ADAMTSL1: variants seen among roughly 807,000 people sequenced by gnomAD.
ADAMTSL1 encodes ADAMTS like 1.
Under a neutral mutation model 201.8 loss-of-function variants are expected in ADAMTSL1, and 126 were observed. That is an observed-to-expected ratio of 0.62 (90% CI 0.54 to 0.72). The LOEUF (loss-of-function observed/expected upper bound fraction) is 0.72, where lower values mean the gene tolerates loss of function less well. Ranked by LOEUF, ADAMTSL1 falls within the 30% of genes least tolerant of loss-of-function variation. ADAMTSL1 has a pLI of 0.00. For synonymous variants in ADAMTSL1, 1,121 were observed against 903.4 expected (o/e 1.24, Z -4.32); for missense variants, 2,679 against 2,277.8 (o/e 1.18, Z -3.59).
At chr9:18,759,906 A>T (rs1230939173) in intron 16 of ADAMTSL1, among the ~76,000 whole-genome samples, 1 of 152,178 alleles carries the variant, frequency 6.6e-6, no homozygotes, top group Non-Finnish European at 1.5e-5. Context: ...ATGTTTAGTA[A>T]GTGAGATTCC....
intron 23 of ADAMTSL1, among the ~76,000 whole-genome samples, chr9:18,845,820 T>G (rs1214766708): frequency 6.6e-6 from 1 of 152,226 alleles, no homozygotes; most frequent in Non-Finnish European, 1.5e-5. Context: ...CACGCTGGTA[T>G]GAAAACTGTG....
intron 2 of ADAMTSL1, among the ~76,000 whole-genome samples, chr9:18,416,299 G>T (rs7875066): frequency 0.048 from 7,339 of 151,974 alleles, 569 homozygotes; most frequent in African/African-American, 0.16. Context: ...AAGTTGAAGA[G>T]ATATACTATA....
At chr9:18,724,083 T>G (rs1032421581) in intron 15 of ADAMTSL1, among the ~76,000 whole-genome samples, 1 of 152,340 alleles carries the variant, frequency 6.6e-6, no homozygotes, top group African/African-American at 2.4e-5. Flanking sequence ...CTTTGGGGTC[T>G]TGGTCTGTGC....
intron 2 of ADAMTSL1, among the ~76,000 whole-genome samples, chr9:18,344,739 G>T (rs529108425): frequency 1.3e-5 from 2 of 152,214 alleles, no homozygotes; most frequent in Admixed American, 6.5e-5. Context: ...CTACAGGGCT[G>T]GGAAAATGAA....
At chr9:18,860,965 G>A (rs1308804941) in intron 23 of ADAMTSL1, among the ~76,000 whole-genome samples, 3 of 152,156 alleles carry the variant, frequency 2.0e-5, no homozygotes, top group African/African-American at 7.2e-5. Flanking sequence ...AAGCTCTGTG[G>A]AAACTTTAGT....
intron 5 of ADAMTSL1, among the ~76,000 whole-genome samples, chr9:18,628,230 AG>A (rs1435670279): frequency 2.2e-4 from 34 of 152,298 alleles, no homozygotes; most frequent in Admixed American, 5.2e-4. Context: ...TTTCACCTTT[AG>A]ATCAGTGACC....
intron 1 of ADAMTSL1, among the ~76,000 whole-genome samples, chr9:18,004,533 T>G (rs1586882585): frequency 6.6e-6 from 1 of 151,972 alleles, no homozygotes; most frequent in Admixed American, 6.6e-5. Context: ...CAGAGGTAAA[T>G]TGCATGTGTG....
intron 4 of ADAMTSL1, among the ~76,000 whole-genome samples, chr9:18,614,324 T>A (rs188005863): frequency 6.6e-6 from 1 of 152,290 alleles, no homozygotes; most frequent in East Asian, 1.9e-4. Context: ...GAACATGGTA[T>A]CTTATAGACT....
Position 18,749,193 on chromosome 9 carries a change from C to G in ADAMTSL1, c.2007-4105C>G, listed in dbSNP as rs376126404. Among the ~76,000 whole-genome samples the G allele has an allele frequency of 2.2e-3, 334 of 152,176 alleles. 1 individual carries two copies. The highest frequency in any genetic ancestry group is 7.6e-3 in the African/African-American group (315 of 41,508). On this transcript the variant is annotated intron_variant, in intron 15 of 28. Coordinates refer to ENST00000380548, the MANE Select transcript of ADAMTSL1 (RefSeq NM_001040272.6). ...ACTAAGGGTTAGGACTCCAACATAC[C>G]TTTTTTTGGAGACACAGGTCAACAC...
intron 1 of ADAMTSL1, among the ~76,000 whole-genome samples, chr9:18,078,967 A>T (rs1350005601): frequency 6.6e-6 from 1 of 152,170 alleles, no homozygotes; most frequent in Non-Finnish European, 1.5e-5. Context: ...ATATCAGAGT[A>T]GTTTATCAGC....
intron 1 of ADAMTSL1, among the ~76,000 whole-genome samples, chr9:18,130,493 G>A (rs894390078): frequency 1.3e-5 from 2 of 152,042 alleles, no homozygotes; most frequent in African/African-American, 4.8e-5. Flanking sequence ...TGCCCTTTTG[G>A]GTAGAATGGA....
At chr9:18,351,805 A>G (rs1043723005) in intron 2 of ADAMTSL1, among the ~76,000 whole-genome samples, 3 of 152,196 alleles carry the variant, frequency 2.0e-5, no homozygotes, top group Non-Finnish European at 4.4e-5. Context: ...ACATTCTTTG[A>G]AGCAACCAAT....
At chr9:18,125,361 C>A (rs931715734) in intron 1 of ADAMTSL1, among the ~76,000 whole-genome samples, 1 of 152,272 alleles carries the variant, frequency 6.6e-6, no homozygotes, top group Non-Finnish European at 1.5e-5. Flanking sequence ...GTTCCTCCCA[C>A]GACCATGTGG....
At chr9:17,953,530 C>T (rs756811391) in intron 1 of ADAMTSL1, among the ~76,000 whole-genome samples, 2 of 152,154 alleles carry the variant, frequency 1.3e-5, no homozygotes, top group African/African-American at 2.4e-5. Context: ...CATTCATCGT[C>T]GTTCCTAAAA....
chr9:18,735,918 A>G (rs913955671), intron 15 of ADAMTSL1, among the ~76,000 whole-genome samples: 1 of 150,596 alleles, frequency 6.6e-6, no homozygotes, highest in African/African-American at 2.4e-5. Context: ...AAAAATGTGT[A>G]GGTGGGCAAC....
chr9:18,680,515 C>T lies in ADAMTSL1; in HGVS notation c.1340C>T (p.Pro447Leu), dbSNP rs758647801. 3.1e-6 allele frequency: 5 copies of T among 1,614,006 alleles called. No individual in the cohort carries two copies. The highest frequency in any genetic ancestry group is 2.2e-5 in the East Asian group (1 of 44,870). ...CPKWLAQEWS[P>L]CTVTCGQGLR... ...AAATGGCTGGCACAGGAGTGGTCTC[C>T]GGTAACTGTGCCTTCTTTCTTTGTT... The change falls in exon 11 of 29, where the codon CCG becomes CTG. Residue 447 changes from proline to leucine, a missense_variant and splice_region_variant. Coordinates refer to ENST00000380548, the MANE Select transcript of ADAMTSL1 (RefSeq NM_001040272.6).
chr9:18,241,918 T>C lies in ADAMTSL1; in HGVS notation c.207+77937T>C, dbSNP rs191204332. Among the ~76,000 whole-genome samples, 20 of 152,222 alleles carry C rather than the reference T, an allele frequency of 1.3e-4. 1 individual carries two copies. Among genetic ancestry groups the C allele is most frequent in the Admixed American group, 1.2e-3 (18 of 15,290 alleles). On this transcript the variant is annotated intron_variant, in intron 2 of 29. Coordinates refer to the ADAMTSL1 transcript ENST00000680146. ...ACAAAAAACCTCATGCCTTCATAGT[T>C]GAATTTTACCAAATATTCTAAGAAA... is the stretch of plus-strand genomic sequence containing the variant.
intron 2 of ADAMTSL1, among the ~76,000 whole-genome samples, chr9:18,276,655 T>C (rs2132607592): frequency 6.6e-6 from 1 of 152,300 alleles, no homozygotes; most frequent in South Asian, 2.1e-4. Flanking sequence ...TTCAGGAAGC[T>C]TACAATCAGG....
intron 2 of ADAMTSL1, among the ~76,000 whole-genome samples, chr9:18,231,015 TC>T (rs574762366): frequency 1.2e-3 from 189 of 152,292 alleles, no homozygotes; most frequent in African/African-American, 4.4e-3. Context: ...ATGCACCACT[TC>T]CTTTCTTATG....
Sources: allele counts gnomAD v4.1 joint callset (sites outside exome capture counted in the v4.1 genomes callset), GRCh38; gene constraint gnomAD v4.1.1; transcripts MANE v1.5; gene names NCBI Gene and HGNC (gene_info 2026-07-23, HGNC 2026-07-21).